The following PTPRG variants were observed in gnomAD, a reference collection of about 807,000 sequenced individuals.
PTPRG encodes receptor-type tyrosine-protein phosphatase gamma.
Under a neutral mutation model 165.3 loss-of-function variants are expected in PTPRG, and 102 were observed. That is an observed-to-expected ratio of 0.62 (90% CI 0.53 to 0.73). The LOEUF is 0.73. Ranked by LOEUF, PTPRG falls within the 30% of genes least tolerant of loss-of-function variation. The probability of loss-of-function intolerance (pLI) is 0.00; values close to 1 mark genes in which losing one functional copy is unlikely to be tolerated. For synonymous variants in PTPRG, 675 were observed against 669.5 expected (o/e 1.01, Z -0.13); for missense variants, 1,866 against 1,861.4 (o/e 1.00, Z -0.05).
Position 62,190,391 on chromosome 3 carries a change from G to A in PTPRG, c.1034-1078G>A, listed in dbSNP as rs1054151527. Among the ~76,000 whole-genome samples, 7 of 152,300 alleles carry A rather than the reference G, an allele frequency of 4.6e-5. No individual in the cohort carries two copies. Among genetic ancestry groups the A allele is most frequent in the African/African-American group, 7.2e-5 (3 of 41,564 alleles). On this transcript the variant is annotated intron_variant, in intron 8 of 29. Coordinates refer to ENST00000474889, the MANE Select transcript of PTPRG (RefSeq NM_002841.4). The surrounding 1 kb of genome is among the most constrained non-coding windows in gnomAD (Gnocchi z 5.2). Reference sequence around the variant, plus strand: ...ATGAAGGCAGGCAGCACGGCCACACGGGTCTGGACACCCCTGAGAAAGCAC... The same window carrying A: ...ATGAAGGCAGGCAGCACGGCCACACAGGTCTGGACACCCCTGAGAAAGCAC...
At chr3:61,843,703 A>G (rs888442912) in intron 2 of PTPRG, among the ~76,000 whole-genome samples, 20 of 152,236 alleles carry the variant, frequency 1.3e-4, no homozygotes, top group Non-Finnish European at 2.8e-4. Flanking sequence ...GTGACTAGAA[A>G]AATTTCCTTC....
chr3:61,726,200 G>A lies in PTPRG; in HGVS notation c.86-22678G>A, dbSNP rs73099176. Among the ~76,000 whole-genome samples, 393 of 152,306 alleles carry A rather than the reference G, an allele frequency of 2.6e-3. 1 individual carries two copies. Among genetic ancestry groups the A allele is most frequent in the Non-Finnish European group, 4.4e-3 (299 of 68,014 alleles). On this transcript the variant is annotated intron_variant, in intron 1 of 29. Coordinates refer to ENST00000474889, the MANE Select transcript of PTPRG (RefSeq NM_002841.4). ...GTTCTTATCTTCAGACTTCAGTCAA[G>A]TTTCATTACTGTGGTTTATGTGTAG...
intron 4 of PTPRG, among the ~76,000 whole-genome samples, chr3:62,022,878 T>C (rs577946809): frequency 6.6e-6 from 1 of 152,304 alleles, no homozygotes; most frequent in South Asian, 2.1e-4. Flanking sequence ...AAATAAAAAT[T>C]GGTAATTGAT....
chr3:61,848,897 A>G (rs577477424), intron 2 of PTPRG, among the ~76,000 whole-genome samples: 9 of 152,354 alleles, frequency 5.9e-5, no homozygotes, highest in African/African-American at 1.9e-4. Context: ...TCATCTTCAC[A>G]TTATAGTTGA....
At position 61,708,004 on chromosome 3, in the gene PTPRG, G is replaced by C. The variant is rs188945310; in HGVS notation, c.86-40874G>C. On this transcript the variant is annotated intron_variant, in intron 1 of 29. Coordinates refer to ENST00000474889, the MANE Select transcript of PTPRG (RefSeq NM_002841.4). ...GGGTTTCACCATGTTGCTCAGGCTGGTCTTGAAATCTTGAGCTGAAGGGAT... is the reference window on the plus strand; with the variant it reads ...GGGTTTCACCATGTTGCTCAGGCTGCTCTTGAAATCTTGAGCTGAAGGGAT... 3.9e-5 allele frequency among the ~76,000 whole-genome samples: 6 copies of C among 152,148 alleles called. No individual in the cohort carries two copies. The South Asian group carries it at 1.2e-3, about 32-fold the overall frequency.
rs5849464 is a variant in PTPRG, at chr3:62,160,864, A to ATTTTT, written c.840+3660_840+3664dup. 9.6e-4 allele frequency among the ~76,000 whole-genome samples: 100 copies of ATTTTT among 103,968 alleles called. 1 individual carries two copies. The highest frequency in any genetic ancestry group is 7.7e-3 in the Middle Eastern group (1 of 130). 68.2% of individuals were successfully genotyped at this position (103,968 alleles called of 152,430 possible). A position where few individuals can be genotyped will look rare whatever the true frequency, so the allele number is the denominator to read the frequency against. On this transcript the variant is annotated intron_variant, in intron 7 of 29. Coordinates refer to ENST00000474889, the MANE Select transcript of PTPRG (RefSeq NM_002841.4). Reference sequence around the variant, plus strand: ...TACTTTGTTTACCTTTAGATGTGTGATTTTTTTTTTTTTTTTTTTTTTTTC... The same window carrying ATTTTT: ...TACTTTGTTTACCTTTAGATGTGTGATTTTTTTTTTTTTTTTTTTTTTTTTTTTTC...
chr3:61,611,642 C>T (rs1701171422), intron 1 of PTPRG, among the ~76,000 whole-genome samples: 1 of 152,158 alleles, frequency 6.6e-6, no homozygotes, highest in Admixed American at 6.5e-5. Context: ...GGTTGGCGAA[C>T]ATTTTCTGTA....
At chr3:61,984,005 G>C (rs2040700459) in intron 2 of PTPRG, among the ~76,000 whole-genome samples, 1 of 152,068 alleles carries the variant, frequency 6.6e-6, no homozygotes, top group Admixed American at 6.5e-5. Flanking sequence ...ATGAAGTGAA[G>C]TCTCAGATTC....
intron 4 of PTPRG, among the ~76,000 whole-genome samples, chr3:62,024,450 T>C (rs2041764172): frequency 6.6e-6 from 1 of 152,206 alleles, no homozygotes; most frequent in Admixed American, 6.5e-5. Context: ...CCAGGTAACT[T>C]CAAAAGAATA....
intron 2 of PTPRG, among the ~76,000 whole-genome samples, chr3:61,900,154 T>A (rs1477572373): frequency 1.3e-5 from 2 of 152,070 alleles, no homozygotes; most frequent in African/African-American, 2.4e-5. Context: ...TTTTTTTTTT[T>A]AAATACCCAA....
At chr3:62,247,399 C>T (rs1701311317) in intron 15 of PTPRG, among the ~76,000 whole-genome samples, 2 of 152,266 alleles carry the variant, frequency 1.3e-5, no homozygotes, top group South Asian at 4.1e-4. Context: ...TTTTCAAATA[C>T]ATGTGAATAT....
chr3:61,626,715 C>T (rs888639021), intron 1 of PTPRG, among the ~76,000 whole-genome samples: 10 of 152,188 alleles, frequency 6.6e-5, no homozygotes, highest in African/African-American at 2.4e-4. Context: ...AACTTCCCAG[C>T]AGTGTTAGGA....
intron 2 of PTPRG, among the ~76,000 whole-genome samples, chr3:61,754,590 A>G (rs1485389591): frequency 6.6e-6 from 1 of 152,116 alleles, no homozygotes; most frequent in Non-Finnish European, 1.5e-5. Flanking sequence ...GGACAAGTGG[A>G]TACACGGATA....
intron 21 of PTPRG, 122 bp from the exon 22 acceptor site, chr3:62,272,824 G>A: frequency 8.6e-7 from 1 of 1,159,904 alleles, no homozygotes; most frequent in Admixed American, 3.2e-5. Context: ...GCAACAGAGT[G>A]AAACTCCATC....
chr3:61,630,955 G>T (rs980073954), intron 1 of PTPRG, among the ~76,000 whole-genome samples: 1 of 152,122 alleles, frequency 6.6e-6, no homozygotes, highest in Admixed American at 6.5e-5. Flanking sequence ...ACTCGGGAGG[G>T]TGAGGAAGAA....
intron 2 of PTPRG, among the ~76,000 whole-genome samples, chr3:61,847,035 C>T (rs376265275): frequency 9.6e-4 from 146 of 152,272 alleles, no homozygotes; most frequent in African/African-American, 3.2e-3. Flanking sequence ...TTCAATTCTT[C>T]GGTGTTTGGA....
chr3:62,269,511 T>C (rs1036887661), intron 20 of PTPRG, among the ~76,000 whole-genome samples: 7 of 152,176 alleles, frequency 4.6e-5, no homozygotes, highest in Admixed American at 2.6e-4. Context: ...TATAAAGCAT[T>C]GTTTCCCAAA....
intron 1 of PTPRG, among the ~76,000 whole-genome samples, chr3:61,669,430 C>T (rs1702903706): frequency 1.3e-5 from 2 of 152,100 alleles, no homozygotes; most frequent in Admixed American, 1.3e-4. Flanking sequence ...ACAGCACAGT[C>T]ACAGCTGGTC....
intron 1 of PTPRG, among the ~76,000 whole-genome samples, chr3:61,646,373 A>G (rs1407986509): frequency 6.6e-6 from 1 of 152,196 alleles, no homozygotes; most frequent in Admixed American, 6.5e-5. Context: ...TGGCCTCCCA[A>G]AGTCCTGGGA....
Sources: gnomAD v4.1 joint callset for allele counts (sites outside exome capture counted in the v4.1 genomes callset) on GRCh38, gnomAD v4.1.1 for gene constraint, Gnocchi (gnomAD v3.1) non-coding constraint, MANE v1.5 for transcripts, NCBI Gene and HGNC (gene_info 2026-07-23, HGNC 2026-07-21) for gene names.